USP29: variants seen among roughly 807,000 people sequenced by gnomAD.
The protein encoded by USP29 is ubiquitin carboxyl-terminal hydrolase 29.
For missense variants in USP29, 1,102 were observed against 1,069.0 expected (o/e 1.03, Z -0.43); for synonymous variants, 386 against 387.4 (o/e 1.00, Z 0.04).
intron 3 of USP29, among the ~76,000 whole-genome samples, chr19:57,127,235 C>A (rs187132314): frequency 3.5e-4 from 53 of 152,292 alleles, no homozygotes; most frequent in African/African-American, 1.2e-3. Context: ...TTAGAAGGCA[C>A]GGGGGTCAGG....
At chr19:57,123,868 CAGG>C (rs1438062070) in intron 2 of USP29, among the ~76,000 whole-genome samples, 168 bp from the exon 3 acceptor site, 2 of 152,138 alleles carry the variant, frequency 1.3e-5, no homozygotes, top group African/African-American at 4.8e-5. Flanking sequence ...CCCATTAACA[CAGG>C]AGGTTTTCTC....
intron 2 of USP29, among the ~76,000 whole-genome samples, chr19:57,122,973 C>A (rs1271677942): frequency 6.6e-6 from 1 of 152,134 alleles, no homozygotes; most frequent in African/African-American, 2.4e-5. Context: ...TAGGATCTCT[C>A]AGGAAACTGA....
At chr19:57,123,661 T>C (rs879851937) in intron 2 of USP29, among the ~76,000 whole-genome samples, 1 of 152,142 alleles carries the variant, frequency 6.6e-6, no homozygotes, top group African/African-American at 2.4e-5. Flanking sequence ...ATACTTAAAG[T>C]TCTAGGTAAG....
intron 3 of USP29, among the ~76,000 whole-genome samples, chr19:57,124,684 T>C (rs1183655009): frequency 2.0e-5 from 3 of 151,970 alleles, no homozygotes; most frequent in Non-Finnish European, 4.4e-5. Context: ...AATTTTTGTA[T>C]TTTTAGTAGA....
rs2086848720 is a variant in USP29, at chr19:57,130,173, T to C, written c.1498T>C (p.Phe500Leu). 6.2e-7 allele frequency: 1 copy of C among 1,614,112 alleles called. No individual in the cohort carries two copies. The highest frequency in any genetic ancestry group is 2.2e-5 in the East Asian group (1 of 44,876). ...KQKSCVARHT[F>L]SRLSRVLIIH... The stretch of plus-strand genomic sequence containing the variant: ...GAAGAGTTGTGTTGCAAGGCATACA[T>C]TTAGTAGGCTCTCCAGGGTCCTTAT... The change falls in exon 4 of 4, where the codon TTT becomes CTT. Residue 500 changes from phenylalanine (F) to leucine (L), a missense_variant. Transcript: ENST00000254181.
At chr19:57,125,919 T>C (rs975796622) in intron 3 of USP29, among the ~76,000 whole-genome samples, 1 of 152,176 alleles carries the variant, frequency 6.6e-6, no homozygotes, top group African/African-American at 2.4e-5. Flanking sequence ...CCTTTCCATA[T>C]TTAGTGCTTC....
At chr19:57,127,821 T>G (rs370996184) in intron 3 of USP29, among the ~76,000 whole-genome samples, 20 of 151,902 alleles carry the variant, frequency 1.3e-4, no homozygotes, top group African/African-American at 4.3e-4. Flanking sequence ...GCACCACTGG[T>G]GTACAAAAAA....
At position 57,130,075 on chromosome 19, in the gene USP29, T is replaced by G. The variant is rs542476119; in HGVS notation, c.1400T>G (p.Leu467Trp). The G allele has an allele frequency of 2.5e-5, 41 of 1,613,628 alleles. No individual in the cohort carries two copies. In the Admixed American group the frequency reaches 4.3e-4, roughly 17 times the overall value. ...NLHQETKPLP[L>W]SIQNSLDLFF... ...CACCAAGAAACAAAACCACTTCCTT[T>G]GTCCATTCAGAATTCTTTAGATCTT... The change falls in exon 4 of 4, where the codon TTG (leucine) becomes TGG (tryptophan). Residue 467 changes from leucine to tryptophan, a missense_variant. By Grantham distance (61) the Leu-to-Trp change is moderately conservative. Transcript: ENST00000254181.
In USP29 at chr19:57,130,494, C is replaced by T; in HGVS notation, c.1819C>T (p.Gln607Ter). The T allele has an allele frequency of 1.2e-6, 2 of 1,614,142 alleles. No homozygotes were observed. The highest frequency in any genetic ancestry group is 1.1e-5 in the South Asian group (1 of 91,068). The stretch of plus-strand genomic sequence containing the variant: ...CAAGAATGCCGACCTACAAAGATTC[C>T]AGAGAGACTGTGGAGATGCAAGCCA... The part of the protein sequence containing the change: ...PDKNADLQRF[Q>*]RDCGDASQEQ... Residue 607 changes from glutamine (Q) to a stop codon, truncating the protein, a stop_gained, in exon 4 of 4, where the codon CAG becomes TAG. Transcript: ENST00000254181. LOFTEE classifies it low-confidence loss of function (END_TRUNC).
In USP29 at chr19:57,129,135, C is replaced by G. The variant is rs753267386; in HGVS notation, c.460C>G (p.Pro154Ala). ...GATGCCTTTGTTTATGTCAAAATCA[C>G]CAACACATGTGAAAAAGGGGATATT... ...QKMPLFMSKS[P>A]THVKKGILEN... is the part of the protein sequence containing the mutation. Residue 154 changes from proline (P) to alanine (A), a missense_variant, in exon 4 of 4, where the codon CCA (proline) becomes GCA (alanine). Coordinates refer to ENST00000254181, the MANE Select transcript of USP29 (RefSeq NM_020903.3). The G allele has an allele frequency of 6.2e-7, 1 of 1,613,364 alleles. No individual in the cohort carries two copies. Among genetic ancestry groups the G allele is most frequent in the South Asian group, 1.1e-5 (1 of 90,934 alleles).
At chr19:57,128,606 A>C in intron 3 of USP29, 54 bp from the exon 4 acceptor site, 1 of 1,473,320 alleles carries the variant, frequency 6.8e-7, no homozygotes, top group Non-Finnish European at 9.0e-7. Context: ...TTTTCATAAA[A>C]TATAACTGTT....
Position 57,131,701 on chromosome 19 carries a change from G to T in USP29, c.*257G>T. Reference sequence around the variant, plus strand: ...TTTTGACGGTGGTTTTCAAAATGTTGTTCTTCAACCAGCAACAGCAACAGC... The same window carrying T: ...TTTTGACGGTGGTTTTCAAAATGTTTTTCTTCAACCAGCAACAGCAACAGC... On this transcript the variant is annotated 3_prime_UTR_variant, in exon 4 of 4. Coordinates refer to ENST00000254181, the MANE Select transcript of USP29 (RefSeq NM_020903.3). The T allele has an allele frequency of 4.1e-6, 2 of 486,020 alleles. No individual in the cohort carries two copies. Among genetic ancestry groups the T allele is most frequent in the Non-Finnish European group, 7.0e-6 (2 of 284,384 alleles). The allele number at this position is 486,020 out of a possible 1,614,324, so 30.1% of individuals were successfully genotyped here.
chr19:57,124,537 C>A (rs1236443508), intron 3 of USP29, among the ~76,000 whole-genome samples: 1 of 151,298 alleles, frequency 6.6e-6, no homozygotes, highest in South Asian at 2.1e-4. Context: ...CAGACAGAGC[C>A]TTGCTGTGTC....
upstream of USP29, among the ~76,000 whole-genome samples, chr19:57,119,872 C>A (rs1013544564): frequency 6.6e-6 from 1 of 152,180 alleles, no homozygotes; most frequent in African/African-American, 2.4e-5. Context: ...TACGCCCCAC[C>A]AGCTCTAGGC....
intron 1 of USP29, among the ~76,000 whole-genome samples, chr19:57,120,810 A>AAAAAAAAC (rs1203510103): frequency 6.7e-6 from 1 of 148,596 alleles, no homozygotes; most frequent in East Asian, 2.0e-4. Context: ...AAAAAAAAAA[A>AAAAAAAAC]AAACAGAAAA....
intron 3 of USP29, among the ~76,000 whole-genome samples, chr19:57,127,017 C>A (rs1474386626): frequency 6.6e-6 from 1 of 152,202 alleles, no homozygotes; most frequent in Non-Finnish European, 1.5e-5. Context: ...GGCCCCTCTT[C>A]TGCAGGTCTG....
At chr19:57,126,763 A>G (rs1321068260) in intron 3 of USP29, among the ~76,000 whole-genome samples, 3 of 152,082 alleles carry the variant, frequency 2.0e-5, no homozygotes, top group Non-Finnish European at 2.9e-5. Flanking sequence ...AGTTCTATCA[A>G]TTCATCAATC....
Position 57,128,965 on chromosome 19 carries a change from T to C in USP29, c.290T>C (p.Met97Thr), listed in dbSNP as rs142418737. The C allele has an allele frequency of 1.4e-4, 226 of 1,614,154 alleles. 2 individuals are homozygous for C. The East Asian group carries it at 2.3e-3, about 16-fold the overall frequency. ...TACAGAGATGCTAAACAGTTGAATA[T>C]GTTCCTGGACATAATCCACCAAAAC... ...LSYRDAKQLNMFLDIIHQNKS... is the reference protein window; with the variant it reads ...LSYRDAKQLNTFLDIIHQNKS... The change falls in exon 4 of 4, where the codon ATG becomes ACG. Residue 97 changes from methionine to threonine, a missense_variant. Physicochemically the swap from Met to Thr is moderately conservative, Grantham distance 81. Transcript: ENST00000254181.
chr19:57,124,559 A>G (rs1346248254), intron 3 of USP29, among the ~76,000 whole-genome samples: 2 of 148,702 alleles, frequency 1.3e-5, no homozygotes, highest in Non-Finnish European at 3.0e-5. Flanking sequence ...CCCCAGCTGG[A>G]GTGCAGTGGC....
Sources: gnomAD v4.1 joint callset for allele counts (sites outside exome capture counted in the v4.1 genomes callset) on GRCh38, gnomAD v4.1.1 for gene constraint, MANE v1.5 for transcripts, NCBI Gene and HGNC (gene_info 2026-07-23, HGNC 2026-07-21) for gene names.